Variants in OTUD7A observed in about 807,000 individuals in gnomAD.
OTUD7A encodes OTU deubiquitinase 7A.
Under a neutral mutation model 65.7 loss-of-function variants are expected in OTUD7A, and 12 were observed. The ratio of observed to expected loss-of-function variants is 0.18; its 90% confidence interval spans 0.12 to 0.30. The LOEUF is 0.30. OTUD7A is among the 10% of genes least tolerant of loss of function. The pLI, the probability that OTUD7A is intolerant of heterozygous loss-of-function variation, is 1.00. For synonymous variants in OTUD7A, 641 were observed against 586.3 expected, an observed-to-expected ratio of 1.09 and a Z score of -1.35; for missense variants, 1,148 against 1,304.8, an observed-to-expected ratio of 0.88 and a Z score of 1.85.
chr15:31,625,237 G>C (rs1399592592), intron 3 of OTUD7A, among the ~76,000 whole-genome samples: 1 of 152,148 alleles, frequency 6.6e-6, no homozygotes, highest in Non-Finnish European at 1.5e-5. Flanking sequence ...CTAGACTGTA[G>C]CCTCGAGAAG....
intron 1 of OTUD7A, among the ~76,000 whole-genome samples, chr15:31,821,035 A>C (rs1489152079): frequency 1.3e-5 from 2 of 152,028 alleles, no homozygotes; most frequent in African/African-American, 4.8e-5. Flanking sequence ...GGCATTATAT[A>C]AATGCAATCA....
intron 1 of OTUD7A, among the ~76,000 whole-genome samples, chr15:31,727,618 C>G (rs533497238): frequency 2.0e-4 from 31 of 152,322 alleles, no homozygotes; most frequent in African/African-American, 7.5e-4. Context: ...TTCATTCATT[C>G]TTCAACCTGG....
intron 8 of OTUD7A, among the ~76,000 whole-genome samples, chr15:31,512,705 T>C (rs564688291): frequency 7.7e-4 from 118 of 152,296 alleles, no homozygotes; most frequent in Non-Finnish European, 1.5e-3. Context: ...TTGTGGAATG[T>C]TGAGAAAGGT....
chr15:31,598,726 C>A (rs2141207939), intron 3 of OTUD7A, among the ~76,000 whole-genome samples: 1 of 152,334 alleles, frequency 6.6e-6, no homozygotes, highest in Middle Eastern at 3.4e-3. Context: ...GGTCCCACCC[C>A]CATGGAGCCC....
intron 1 of OTUD7A, among the ~76,000 whole-genome samples, chr15:31,792,231 T>G (rs1438713902): frequency 6.6e-6 from 1 of 152,218 alleles, no homozygotes; most frequent in Non-Finnish European, 1.5e-5. Context: ...CTTGTCTGGC[T>G]GCCTGAATGT....
At chr15:31,658,377 T>G (rs1892054181) in intron 1 of OTUD7A, among the ~76,000 whole-genome samples, 1 of 152,138 alleles carries the variant, frequency 6.6e-6, no homozygotes, top group Non-Finnish European at 1.5e-5. Flanking sequence ...CTACCTCTAG[T>G]GCCTTGGCTT....
Position 31,818,038 on chromosome 15 carries a change from C to T in OTUD7A, c.-100+52469G>A, listed in dbSNP as rs144818477. ...CCATGTGAGGATGTCACGTTCATCC[C>T]GTTTGCCCTTCTATCTCCCCCCAAC... is the stretch of plus-strand genomic sequence containing the variant. On this transcript the variant is annotated intron_variant, in intron 1 of 12. Coordinates refer to ENST00000307050, the MANE Select transcript of OTUD7A (RefSeq NM_001382637.1). Among the ~76,000 whole-genome samples the T allele has an allele frequency of 2.2e-3, 328 of 152,306 alleles. 1 individual carries two copies. The highest frequency in any genetic ancestry group is 3.2e-3 in the Non-Finnish European group (217 of 68,018).
intron 1 of OTUD7A, among the ~76,000 whole-genome samples, chr15:31,744,680 A>C (rs1894430571): frequency 1.3e-5 from 2 of 152,140 alleles, no homozygotes; most frequent in South Asian, 2.1e-4. Flanking sequence ...CTTGTACAAA[A>C]GATTGTAGCC....
chr15:31,756,539 T>C lies in OTUD7A; in HGVS notation c.-99-99462A>G, dbSNP rs561181184. Among the ~76,000 whole-genome samples, 3 of 152,024 alleles carry C rather than the reference T, an allele frequency of 2.0e-5. 1 individual carries two copies. The highest frequency in any genetic ancestry group is 7.2e-5 in the African/African-American group (3 of 41,440). ...AATGCTCCATCCCCCAAAGCTAACA[T>C]GGCCAGGGTGACAGAGACAGGGCTG... is the stretch of plus-strand genomic sequence containing the variant. On this transcript the variant is annotated intron_variant, in intron 1 of 12. Coordinates refer to ENST00000307050, the MANE Select transcript of OTUD7A (RefSeq NM_001382637.1).
At chr15:31,852,580 T>C (rs1897457521) in intron 1 of OTUD7A, among the ~76,000 whole-genome samples, 1 of 152,206 alleles carries the variant, frequency 6.6e-6, no homozygotes, top group Middle Eastern at 3.2e-3. Context: ...TCTGATAAAG[T>C]ACCTACATGC....
At chr15:31,868,748 G>C (rs1273432888) in intron 1 of OTUD7A, among the ~76,000 whole-genome samples, 1 of 152,180 alleles carries the variant, frequency 6.6e-6, no homozygotes, top group African/African-American at 2.4e-5. Flanking sequence ...TGCCATCTAT[G>C]ATCCAGGCCC....
At chr15:31,526,257 AT>A in intron 8 of OTUD7A, 91 bp downstream of exon 8, 1 of 1,256,936 alleles carries the variant, frequency 8.0e-7, no homozygotes, top group Non-Finnish European at 1.1e-6. Flanking sequence ...AGAGTCCCAC[AT>A]TCCCCCCCGT....
In OTUD7A at chr15:31,526,550, C is replaced by T. The variant is rs116211546; in HGVS notation, c.781-89G>A. The T allele has an allele frequency of 4.7e-4, 519 of 1,101,446 alleles. No individual in the cohort carries two copies. In the African/African-American group the frequency reaches 5.1e-3, roughly 11 times the overall value. 68.2% of individuals were successfully genotyped at this position (1,101,446 alleles called of 1,614,324 possible). On this transcript the variant is annotated intron_variant, in intron 7 of 12. Transcript: ENST00000307050. Reference sequence around the variant, plus strand: ...CCCTCCCAATCTGGACCAGCCTCACCGGGACCCAGGCCAGGCACATCTGTA... The same window carrying T: ...CCCTCCCAATCTGGACCAGCCTCACTGGGACCCAGGCCAGGCACATCTGTA...
At position 31,526,392 on chromosome 15, in the gene OTUD7A, C is replaced by T. The variant is rs373708698; in HGVS notation, c.850G>A (p.Glu284Lys). The T allele has an allele frequency of 5.6e-6, 9 of 1,601,842 alleles. No homozygotes were observed. Among genetic ancestry groups the T allele is most frequent in the African/African-American group, 4.0e-5 (3 of 74,896 alleles). Residue 284 changes from glutamate (E) to lysine (K), a missense_variant, in exon 8 of 13, where the codon GAG becomes AAG. Glu to Lys is a moderately conservative substitution (Grantham distance 56, BLOSUM62 1). This residue lies in a region of OTUD7A where 134 missense variants were observed against 252.6 expected (regional missense o/e 0.53). Coordinates refer to ENST00000307050, the MANE Select transcript of OTUD7A (RefSeq NM_001382637.1). ...TTCTTGCTGAAGTGTGTGCGCGGCT[C>T]GCTGGAGGCCAGCTTCAGCAGCTCC... ...WTELLKLASS[E>K]PRTHFSKNGG...
intron 3 of OTUD7A, among the ~76,000 whole-genome samples, chr15:31,585,960 G>A (rs565103939): frequency 6.6e-6 from 1 of 152,286 alleles, no homozygotes; most frequent in South Asian, 2.1e-4. Flanking sequence ...TACCATTCAT[G>A]CAAAATGACA....
chr15:31,512,448 T>A (rs925776188), intron 8 of OTUD7A, among the ~76,000 whole-genome samples: 6 of 152,070 alleles, frequency 3.9e-5, no homozygotes, highest in Non-Finnish European at 8.8e-5. Context: ...ATAAATTTAA[T>A]TTTTTTTAGC....
intron 1 of OTUD7A, among the ~76,000 whole-genome samples, chr15:31,865,012 T>C (rs1025317441): frequency 1.5e-5 from 2 of 129,352 alleles, no homozygotes; most frequent in Non-Finnish European, 3.4e-5. Flanking sequence ...CCAAGAGATA[T>C]TCTGCCCTTG....
chr15:31,796,037 T>C (rs1895943455), intron 1 of OTUD7A, among the ~76,000 whole-genome samples: 1 of 152,088 alleles, frequency 6.6e-6, no homozygotes, highest in Non-Finnish European at 1.5e-5. Context: ...CTTGGAGAGA[T>C]GCACTAGAAG....
At chr15:31,819,568 G>A (rs1409540955) in intron 1 of OTUD7A, among the ~76,000 whole-genome samples, 1 of 152,104 alleles carries the variant, frequency 6.6e-6, no homozygotes, top group Non-Finnish European at 1.5e-5. Flanking sequence ...TTGGTTGTTT[G>A]GGAATATGGA....
Sources: gnomAD v4.1 joint callset for allele counts (sites outside exome capture counted in the v4.1 genomes callset) on GRCh38, gnomAD v4.1.1 for gene constraint, gnomAD v4.1.1 regional missense constraint, MANE v1.5 for transcripts, NCBI Gene and HGNC (gene_info 2026-07-23, HGNC 2026-07-21) for gene names.